Variants in TOM1L2 observed in about 807,000 individuals in gnomAD.
TOM1L2 encodes the protein target of myb1 like 2 membrane trafficking protein, also known as TOM1-like protein 2.
TOM1L2 carries 31 observed loss-of-function variants against 67.9 expected under a neutral mutation model. The observed-to-expected ratio is 0.46, with a 90% confidence interval of 0.34 to 0.62. The LOEUF (loss-of-function observed/expected upper bound fraction) is 0.62. Ranked by LOEUF, TOM1L2 falls within the 20% of genes least tolerant of loss-of-function variation. TOM1L2 has a pLI of 0.01. For missense variants in TOM1L2, 606 were observed against 663.5 expected (o/e 0.91, Z 0.95); for synonymous variants, 256 against 254.0 (o/e 1.01, Z -0.07).
chr17:17,967,674 C>T (rs903523933), intron 1 of TOM1L2, among the ~76,000 whole-genome samples: 2 of 152,192 alleles, frequency 1.3e-5, no homozygotes, highest in Non-Finnish European at 2.9e-5. Context: ...ATGGCACGAT[C>T]TCGGCTCACT....
chr17:17,901,138 G>A (rs1040623973), intron 2 of TOM1L2, among the ~76,000 whole-genome samples: 5 of 152,234 alleles, frequency 3.3e-5, no homozygotes, highest in East Asian at 1.9e-4. Context: ...AGTACTGGCC[G>A]AGAGTGATGG....
chr17:17,972,121 C>T (rs894046356), intron 1 of TOM1L2, 141 bp downstream of exon 1: 13 of 1,052,866 alleles, frequency 1.2e-5, no homozygotes, highest in South Asian at 1.7e-5. Flanking sequence ...ATGCCCAGCC[C>T]GCTCGTGGAG....
chr17:17,857,723 G>C, intron 12 of TOM1L2: 2 of 1,489,194 alleles, frequency 1.3e-6, no homozygotes, highest in Non-Finnish European at 1.8e-6. Flanking sequence ...TACACAGGTA[G>C]GGGCTGGGGT....
At position 17,907,323 on chromosome 17, in the gene TOM1L2, G is replaced by A. The variant is rs1047501209; in HGVS notation, c.137+124C>T. The A allele has an allele frequency of 1.0e-5, 8 of 783,146 alleles. No individual in the cohort carries two copies. The African/African-American group carries it at 1.0e-4, about 10-fold the overall frequency. 48.5% of individuals were successfully genotyped at this position (783,146 alleles called of 1,614,324 possible). The stretch of plus-strand genomic sequence containing the variant: ...GATAATTCAGAGTGTCAGCTTATTC[G>A]ATGCCAAACCAAACATACTAGGAAC... On this transcript the variant is annotated intron_variant, in intron 2 of 14. Coordinates refer to ENST00000379504, the MANE Select transcript of TOM1L2 (RefSeq NM_001082968.2).
intron 2 of TOM1L2, among the ~76,000 whole-genome samples, 185 bp from the exon 3 acceptor site, chr17:17,898,859 A>G (rs1160398346): frequency 1.3e-5 from 2 of 152,262 alleles, no homozygotes; most frequent in Non-Finnish European, 2.9e-5. Flanking sequence ...CATTGACACA[A>G]TGGAATACTA....
At position 17,893,736 on chromosome 17, in the gene TOM1L2, A is replaced by C; in HGVS notation, c.291T>G (p.Ser97Arg). ...TGGGAGATATAATTTTGACCAGAAC[A>C]CTGTCGATGAAATCTCGGTTGGCCA... ...ILVANRDFID[S>R]VLVKIISPKN... Residue 97 changes from serine (S) to arginine (R), a missense_variant, in exon 4 of 15, where the codon AGT becomes AGG. By Grantham distance (110) the Ser-to-Arg change is moderately radical (BLOSUM62 -1). Transcript: ENST00000379504. 1 of 1,614,142 alleles carries C rather than the reference A, an allele frequency of 6.2e-7. No individual in the cohort carries two copies. The highest frequency in any genetic ancestry group is 8.5e-7 in the Non-Finnish European group (1 of 1,180,018).
intron 1 of TOM1L2, among the ~76,000 whole-genome samples, chr17:17,941,359 G>A (rs868283536): frequency 6.6e-6 from 1 of 152,024 alleles, no homozygotes; most frequent in Non-Finnish European, 1.5e-5. Flanking sequence ...CTCTGCCCTC[G>A]GATGACTATG....
chr17:17,851,278 G>A (rs1424854629), intron 12 of TOM1L2: 9 of 376,206 alleles, frequency 2.4e-5, no homozygotes, highest in Middle Eastern at 8.4e-4. Context: ...CTCTCAGCCC[G>A]GGGCTGCAAA....
Position 17,857,829 on chromosome 17 carries a change from T to A in TOM1L2, c.1278+3647A>T, listed in dbSNP as rs1040188380. ...CCAGGTCAGACTCCCCACCTCTACCTCTCTTCTGGGCCGAGGACAGAAAAG... is the reference window on the plus strand; with the variant it reads ...CCAGGTCAGACTCCCCACCTCTACCACTCTTCTGGGCCGAGGACAGAAAAG... On this transcript the variant is annotated intron_variant, in intron 12 of 14. Transcript: ENST00000379504. The A allele has an allele frequency of 3.3e-6, 5 of 1,535,350 alleles. No homozygotes were observed. The Admixed American group carries it at 9.8e-5, about 30-fold the overall frequency.
In TOM1L2 at chr17:17,869,354, G is replaced by T; in HGVS notation, c.897C>A (p.Phe299Leu). Residue 299 changes from phenylalanine (F) to leucine (L), a missense_variant, in exon 8 of 15, where the codon TTC (phenylalanine) becomes TTA (leucine). Coordinates refer to ENST00000379504, the MANE Select transcript of TOM1L2 (RefSeq NM_001082968.2). The part of the protein sequence containing the change: ...LHVNDDLNNV[F>L]LRYERFERYR... The stretch of plus-strand genomic sequence containing the variant: ...CCGGCTCCCACCTCTCGTATCGAAG[G>T]AAGACGTTGTTGAGGTCATCGTTCA... 2 of 1,612,184 alleles carry T rather than the reference G, an allele frequency of 1.2e-6. No individual in the cohort carries two copies. The highest frequency in any genetic ancestry group is 1.7e-6 in the Non-Finnish European group (2 of 1,179,946).
At chr17:17,886,670 C>G (rs952428634) in intron 4 of TOM1L2, among the ~76,000 whole-genome samples, 2 of 152,258 alleles carry the variant, frequency 1.3e-5, no homozygotes, top group African/African-American at 4.8e-5. Context: ...CATGGAGTAC[C>G]AACAGCTCCA....
chr17:17,911,961 A>T (rs1403618125), intron 1 of TOM1L2, among the ~76,000 whole-genome samples: 2 of 149,518 alleles, frequency 1.3e-5, no homozygotes. Context: ...CAGAGAGCAC[A>T]GGGTTGGGGG....
intron 1 of TOM1L2, among the ~76,000 whole-genome samples, chr17:17,912,129 C>T (rs1415995423): frequency 1.3e-5 from 2 of 152,290 alleles, no homozygotes; most frequent in Non-Finnish European, 2.9e-5. Context: ...TTCCACAAAA[C>T]CGCCACTGTC....
chr17:17,868,224 G>A (rs2036963442), intron 8 of TOM1L2, among the ~76,000 whole-genome samples: 2 of 152,200 alleles, frequency 1.3e-5, no homozygotes, highest in Admixed American at 1.3e-4. Flanking sequence ...ATGCACTGGG[G>A]GGTCCTGGGG....
intron 2 of TOM1L2, among the ~76,000 whole-genome samples, chr17:17,903,293 C>CT (rs1393036268): frequency 4.6e-5 from 7 of 152,166 alleles, no homozygotes; most frequent in Admixed American, 4.6e-4. Context: ...TTATTAACAG[C>CT]TAATCAAATG....
intron 7 of TOM1L2, among the ~76,000 whole-genome samples, chr17:17,877,202 G>A (rs191078231): frequency 6.6e-5 from 10 of 152,306 alleles, no homozygotes; most frequent in Non-Finnish European, 1.2e-4. Context: ...AGTGCTTTGC[G>A]ATGTGCAGGA....
intron 1 of TOM1L2, among the ~76,000 whole-genome samples, chr17:17,960,278 C>G (rs965483202): frequency 6.6e-6 from 1 of 152,198 alleles, no homozygotes; most frequent in African/African-American, 2.4e-5. Context: ...GCCCACAGAC[C>G]TGGGTTCAAA....
At chr17:17,862,126 C>T (rs1362753234) in intron 11 of TOM1L2, 1 of 153,302 alleles carries the variant, frequency 6.5e-6, no homozygotes, top group Non-Finnish European at 1.5e-5. Flanking sequence ...GTGCTGAGTG[C>T]ACCAAGATGC....
At chr17:17,945,739 G>A (rs1432513062) in intron 1 of TOM1L2, among the ~76,000 whole-genome samples, 2 of 152,050 alleles carry the variant, frequency 1.3e-5, no homozygotes. Context: ...GTATCTTAAT[G>A]AAATGTAGGA....
Sources: allele counts gnomAD v4.1 joint callset (sites outside exome capture counted in the v4.1 genomes callset), GRCh38; gene constraint gnomAD v4.1.1; transcripts MANE v1.5; gene names NCBI Gene and HGNC (gene_info 2026-07-23, HGNC 2026-07-21).